Variants in ATG5 observed in about 807,000 individuals in gnomAD.
ATG5 encodes autophagy related 5, also known as autophagy protein 5.
In ATG5, 14 loss-of-function variants were observed where a neutral mutation model predicts 36.5. The ratio of observed to expected loss-of-function variants is 0.38; its 90% confidence interval spans 0.25 to 0.60. The LOEUF (loss-of-function observed/expected upper bound fraction) is 0.60. Ranked by LOEUF, ATG5 falls within the 20% of genes least tolerant of loss-of-function variation. The pLI is 0.60. For synonymous variants in ATG5, 95 were observed against 101.5 expected (o/e 0.94, Z 0.38); for missense variants, 195 against 326.7 (o/e 0.60, Z 3.11).
At chr6:106,267,053 GTC>G (rs1457805103) in intron 5 of ATG5, among the ~76,000 whole-genome samples, 2 of 152,124 alleles carry the variant, frequency 1.3e-5, no homozygotes, top group African/African-American at 2.4e-5. Context: ...AAGTCTAATT[GTC>G]TCTGTTTGCA....
rs548300114 is a variant in ATG5, at chr6:106,249,443, C to T, written c.479-1199G>A. 7.2e-5 allele frequency among the ~76,000 whole-genome samples: 11 copies of T among 152,266 alleles called. 1 individual carries two copies. The South Asian group carries it at 1.4e-3, about 20-fold the overall frequency. On this transcript the variant is annotated intron_variant, in intron 5 of 7. Coordinates refer to ENST00000369076, the MANE Select transcript of ATG5 (RefSeq NM_004849.4). ...TGTATCAGAACTTCATTTGCTTTTA[C>T]GGCTGAATAATATTCCATTATGTGG...
At chr6:106,299,689 C>G (rs1452715287) in intron 3 of ATG5, among the ~76,000 whole-genome samples, 1 of 151,978 alleles carries the variant, frequency 6.6e-6, no homozygotes, top group Non-Finnish European at 1.5e-5. Context: ...TATGTTTGTG[C>G]ATGTGTGCAC....
chr6:106,323,086 G>GT (rs1190233333), intron 1 of ATG5, among the ~76,000 whole-genome samples: 9 of 150,968 alleles, frequency 6.0e-5, no homozygotes, highest in Non-Finnish European at 7.4e-5. Context: ...GCTCGGGTTT[G>GT]TTTTTTTTGT....
intron 6 of ATG5, among the ~76,000 whole-genome samples, chr6:106,236,646 GTTAAC>G (rs1182698806): frequency 2.0e-5 from 3 of 152,146 alleles, no homozygotes; most frequent in Non-Finnish European, 4.4e-5. Context: ...TTGTGAAATA[GTTAAC>G]TTAAATTTGT....
At chr6:106,271,605 C>T (rs1471749633) in intron 5 of ATG5, 2 of 152,182 alleles carry the variant, frequency 1.3e-5, no homozygotes, top group East Asian at 1.9e-4. Context: ...ATTCTCAGCA[C>T]TTTATTGCTT....
At chr6:106,267,214 GT>G (rs759675378) in intron 5 of ATG5, among the ~76,000 whole-genome samples, 10 of 152,158 alleles carry the variant, frequency 6.6e-5, no homozygotes, top group Non-Finnish European at 1.3e-4. Context: ...GAAGCAGAGA[GT>G]CAAATCATGA....
At chr6:106,226,553 A>G (rs1351728612) in intron 6 of ATG5, among the ~76,000 whole-genome samples, 1 of 152,204 alleles carries the variant, frequency 6.6e-6, no homozygotes, top group African/African-American at 2.4e-5. Context: ...AAGTTTATCT[A>G]AAGAACTACA....
At chr6:106,305,612 T>C (rs1445465564) in intron 3 of ATG5, among the ~76,000 whole-genome samples, 1 of 152,190 alleles carries the variant, frequency 6.6e-6, no homozygotes, top group Non-Finnish European at 1.5e-5. Context: ...TGAACTTATT[T>C]AAAACTCCGA....
chr6:106,207,526 C>A (rs562213119), intron 6 of ATG5, among the ~76,000 whole-genome samples: 2 of 149,724 alleles, frequency 1.3e-5, no homozygotes, highest in Non-Finnish European at 3.0e-5. Context: ...CACAGAGAGA[C>A]CTCATCTCTT....
chr6:106,313,646 CATATAGG>C (rs1170038534), intron 2 of ATG5, among the ~76,000 whole-genome samples: 1 of 152,080 alleles, frequency 6.6e-6, no homozygotes, highest in Non-Finnish European at 1.5e-5. Context: ...CAGTGATAAA[CATATAGG>C]ATATAGGCGG....
intron 5 of ATG5, among the ~76,000 whole-genome samples, chr6:106,266,126 A>C (rs1461371441): frequency 6.6e-6 from 1 of 152,194 alleles, no homozygotes; most frequent in African/African-American, 2.4e-5. Context: ...GAAAAGAGAG[A>C]AGAATCAAAT....
chr6:106,208,187 G>C, intron 6 of ATG5, among the ~76,000 whole-genome samples: 1 of 139,490 alleles, frequency 7.2e-6, no homozygotes, highest in East Asian at 2.1e-4. Context: ...TTTTTCAACT[G>C]CAAAACAGGA....
chr6:106,287,555 T>C (rs1447468713), intron 4 of ATG5, among the ~76,000 whole-genome samples: 1 of 152,100 alleles, frequency 6.6e-6, no homozygotes, highest in Non-Finnish European at 1.5e-5. Flanking sequence ...ATGTCTCCTC[T>C]CCTCAAAACC....
chr6:106,268,581 G>A (rs1317982034), intron 5 of ATG5, among the ~76,000 whole-genome samples: 1 of 152,146 alleles, frequency 6.6e-6, no homozygotes, highest in Non-Finnish European at 1.5e-5. Flanking sequence ...GCAAATGTAT[G>A]TTTACTGCAG....
chr6:106,251,644 AGAGGGAGGGAGG>A (rs1341537601), intron 5 of ATG5, among the ~76,000 whole-genome samples: 1 of 262 alleles, frequency 3.8e-3, no homozygotes, highest in Non-Finnish European at 9.1e-3. Context: ...AGAGAGAGAG[AGAGGGAGGGAGG>A]GAGGAAGGGA....
At chr6:106,205,801 T>C (rs1019485069) in intron 6 of ATG5, among the ~76,000 whole-genome samples, 2 of 152,190 alleles carry the variant, frequency 1.3e-5, no homozygotes, top group Non-Finnish European at 2.9e-5. Flanking sequence ...TATTACATAG[T>C]GTAGCTAAAC....
At chr6:106,304,329 A>G (rs1243863950) in intron 3 of ATG5, 1 of 152,206 alleles carries the variant, frequency 6.6e-6, no homozygotes, top group Non-Finnish European at 1.5e-5. Context: ...AGAAAACAAA[A>G]TTAATTTTTA....
intron 6 of ATG5, among the ~76,000 whole-genome samples, chr6:106,228,205 G>T (rs560026641): frequency 2.7e-4 from 41 of 152,244 alleles, no homozygotes; most frequent in Middle Eastern, 3.4e-3. Context: ...TCTTGCAACT[G>T]CACTCTTCTG....
chr6:106,224,714 GT>G (rs955596410), intron 6 of ATG5, among the ~76,000 whole-genome samples: 4 of 152,018 alleles, frequency 2.6e-5, no homozygotes, highest in African/African-American at 9.7e-5. Context: ...TGTCTCCCCT[GT>G]CTGTACTAAT....
Sources: gnomAD v4.1 joint callset for allele counts (sites outside exome capture counted in the v4.1 genomes callset) on GRCh38, gnomAD v4.1.1 for gene constraint, MANE v1.5 for transcripts, NCBI Gene and HGNC (gene_info 2026-07-23, HGNC 2026-07-21) for gene names.